The following ORC3 variants were observed in gnomAD, a reference collection of about 807,000 sequenced individuals.
ORC3 encodes the protein homolog of latheo, Drosophila.
ORC3 carries 78 observed loss-of-function variants against 100.7 expected under a neutral mutation model. The ratio of observed to expected loss-of-function variants is 0.77; its 90% confidence interval spans 0.65 to 0.94. The LOEUF is 0.94. Ranked by LOEUF, ORC3 falls within the 40% of genes least tolerant of loss-of-function variation. The pLI is 0.00. For synonymous variants in ORC3, 295 were observed against 289.3 expected, an observed-to-expected ratio of 1.02 and a Z score of -0.20; for missense variants, 789 against 823.9, an observed-to-expected ratio of 0.96 and a Z score of 0.52.
In ORC3 at chr6:87,590,160, A is replaced by G. The variant is rs556668324; in HGVS notation, c.-9A>G. The G allele has an allele frequency of 3.7e-5, 60 of 1,614,124 alleles. No individual in the cohort carries two copies. The highest frequency in any genetic ancestry group is 2.1e-4 in the South Asian group (19 of 91,070). On this transcript the variant is annotated 5_prime_UTR_variant, in exon 1 of 20. Coordinates refer to ENST00000392844, the MANE Select transcript of ORC3 (RefSeq NM_012381.4). Reference sequence around the variant, plus strand: ...GAGTGCATCTGGAATACGCAGAGTCAGTAAGACCATGGCTACGTCCTCGAT... The same window carrying G: ...GAGTGCATCTGGAATACGCAGAGTCGGTAAGACCATGGCTACGTCCTCGAT...
chr6:87,600,771 G>A lies in ORC3; in HGVS notation c.80-1013G>A, dbSNP rs1188205720. On this transcript the variant is annotated intron_variant, in intron 2 of 19. Transcript: ENST00000392844. ...TCAAACCAAATGTCATAATTTATGT[G>A]TGAGTTATGAAATCAATTTAGTGGA... 4.0e-5 allele frequency among the ~76,000 whole-genome samples: 6 copies of A among 150,734 alleles called. No homozygotes were observed. The Admixed American group carries it at 4.0e-4, about 10-fold the overall frequency.
intron 11 of ORC3, among the ~76,000 whole-genome samples, chr6:87,627,492 C>T (rs1780009493): frequency 6.6e-6 from 1 of 151,388 alleles, no homozygotes; most frequent in African/African-American, 2.4e-5. Context: ...GACGGGGTTT[C>T]ACCATGTTGG....
chr6:87,607,482 G>A (rs1322023060), intron 5 of ORC3, among the ~76,000 whole-genome samples, 191 bp from the exon 6 acceptor site: 1 of 151,928 alleles, frequency 6.6e-6, no homozygotes, highest in Non-Finnish European at 1.5e-5. Flanking sequence ...GTCTTAGTCT[G>A]AATTAATGAA....
At chr6:87,639,471 C>T (rs374792091) in intron 13 of ORC3, among the ~76,000 whole-genome samples, 2 of 152,290 alleles carry the variant, frequency 1.3e-5, no homozygotes, top group East Asian at 3.9e-4. Flanking sequence ...AGTTGCATTC[C>T]TCCCCCCAAT....
chr6:87,671,337 G>A (rs536555410), downstream of ORC3, among the ~76,000 whole-genome samples: 4 of 152,264 alleles, frequency 2.6e-5, no homozygotes, highest in African/African-American at 9.6e-5. Flanking sequence ...AAGATCAGAT[G>A]AAGGATGTGA....
the ORC3 span, among the ~76,000 whole-genome samples, chr6:87,673,440 G>A: frequency 6.6e-6 from 1 of 152,108 alleles, no homozygotes; most frequent in Non-Finnish European, 1.5e-5. Context: ...GGCCAGAGAT[G>A]TGGCTAAATA....
At chr6:87,668,753 C>G (rs539629442), downstream of ORC3, among the ~76,000 whole-genome samples, 2 of 152,212 alleles carry the variant, frequency 1.3e-5, no homozygotes, top group East Asian at 3.9e-4. Context: ...GAAGCTGAGG[C>G]GGGTGGATCA....
chr6:87,598,562 G>T (rs1029521076), intron 2 of ORC3, among the ~76,000 whole-genome samples: 1 of 151,834 alleles, frequency 6.6e-6, no homozygotes, highest in Non-Finnish European at 1.5e-5. Flanking sequence ...TTGAATTTAA[G>T]CTACAACTTA....
intron 8 of ORC3, among the ~76,000 whole-genome samples, chr6:87,615,257 C>T (rs889770028): frequency 6.6e-6 from 1 of 152,088 alleles, no homozygotes; most frequent in Admixed American, 6.6e-5. Context: ...AAAGACTTTT[C>T]CCCATGATTC....
rs28381478 is a variant in ORC3 at position 87,604,644 on chromosome 6, C to T, written c.322+1116C>T. Reference sequence around the variant, plus strand: ...TCATTGTTTTATAATACAAATATAACGAATATAATGTTATTAATAAATAGC... The same window carrying T: ...TCATTGTTTTATAATACAAATATAATGAATATAATGTTATTAATAAATAGC... On this transcript the variant is annotated intron_variant, in intron 4 of 19. Transcript: ENST00000392844. 3.9e-4 allele frequency among the ~76,000 whole-genome samples: 59 copies of T among 152,082 alleles called. No individual in the cohort carries two copies. In the South Asian group the frequency reaches 0.011, roughly 29 times the overall value.
At chr6:87,624,846 AC>A (rs11367501) in intron 11 of ORC3, among the ~76,000 whole-genome samples, 9,762 of 151,626 alleles carry the variant, frequency 0.064, 407 homozygotes, top group African/African-American at 0.12. Flanking sequence ...TTCCCCCAGC[AC>A]CCCCACCCAC....
intron 12 of ORC3, among the ~76,000 whole-genome samples, chr6:87,636,175 G>T (rs1467039554): frequency 6.6e-6 from 1 of 151,840 alleles, no homozygotes; most frequent in Non-Finnish European, 1.5e-5. Flanking sequence ...CTCCTGATCC[G>T]CCCGCCTCAG....
chr6:87,602,019 A>C, intron 3 of ORC3, 138 bp downstream of exon 3: 1 of 596,866 alleles, frequency 1.7e-6, no homozygotes, highest in South Asian at 2.2e-5. Flanking sequence ...ATATCCTTAA[A>C]AAAACAACCA....
chr6:87,639,567 A>G (rs751538282), intron 13 of ORC3, among the ~76,000 whole-genome samples: 3 of 152,098 alleles, frequency 2.0e-5, no homozygotes, highest in Admixed American at 6.6e-5. Context: ...TAGCTGCCCC[A>G]GCCCCTCCCA....
At position 87,631,043 on chromosome 6, in the gene ORC3, ATTTTTTTT is replaced by A. The variant is rs11414874; in HGVS notation, c.1186-3791_1186-3784del. On this transcript the variant is annotated intron_variant, in intron 11 of 19. Transcript: ENST00000392844. ...ATGCCACCATGCCCAGCTAATTTAA[ATTTTTTTT>A]TTTTTTTTTTGTAGAGACAGGGTCT... Among the ~76,000 whole-genome samples, 3 of 136,568 alleles carry A rather than the reference ATTTTTTTT, an allele frequency of 2.2e-5. No individual in the cohort carries two copies. The East Asian group carries it at 6.3e-4, about 29-fold the overall frequency. The allele number at this position is 136,568 out of a possible 152,430, so 89.6% of individuals were successfully genotyped here.
At chr6:87,668,878 G>A (rs887293770), downstream of ORC3, among the ~76,000 whole-genome samples, 6 of 152,274 alleles carry the variant, frequency 3.9e-5, no homozygotes, top group East Asian at 7.7e-4. Context: ...AGCTACTGGG[G>A]AGGCTGAGGC....
At chr6:87,640,964 C>T (rs1768202006) in intron 13 of ORC3, among the ~76,000 whole-genome samples, 1 of 152,004 alleles carries the variant, frequency 6.6e-6, no homozygotes, top group African/African-American at 2.4e-5. Context: ...AAAAAATTAG[C>T]CAGGCGTGGT....
chr6:87,634,368 A>G (rs1382426778), intron 11 of ORC3, among the ~76,000 whole-genome samples: 1 of 152,094 alleles, frequency 6.6e-6, no homozygotes, highest in East Asian at 1.9e-4. Flanking sequence ...ACACTAACAC[A>G]CTTGAGTAGT....
chr6:87,599,128 A>G (rs951534054), intron 2 of ORC3, among the ~76,000 whole-genome samples: 1 of 152,182 alleles, frequency 6.6e-6, no homozygotes, highest in East Asian at 1.9e-4. Flanking sequence ...CTGATCTGTA[A>G]CAGACTGAGA....
Sources: allele counts gnomAD v4.1 joint callset (sites outside exome capture counted in the v4.1 genomes callset), GRCh38; gene constraint gnomAD v4.1.1; transcripts MANE v1.5; gene names NCBI Gene and HGNC (gene_info 2026-07-23, HGNC 2026-07-21).